Variants in PIK3R3 observed in about 807,000 individuals in gnomAD.
PIK3R3 encodes phosphatidylinositol 3-kinase regulatory subunit gamma.
In PIK3R3, 64 loss-of-function variants were observed where a neutral mutation model predicts 62.9. The observed-to-expected ratio is 1.02, with a 90% CI of 0.83 to 1.25. PIK3R3 has a LOEUF of 1.25. Ranked by LOEUF, PIK3R3 falls within the 50% of genes most tolerant of loss-of-function variation. The pLI, the probability that PIK3R3 is intolerant of heterozygous loss-of-function variation, is 0.00. For missense variants in PIK3R3, 614 were observed against 561.6 expected, an observed-to-expected ratio of 1.09 and a Z score of -0.94; for synonymous variants, 165 against 189.0, an observed-to-expected ratio of 0.87 and a Z score of 1.04.
At chr1:46,057,247 C>CG (rs1411190534) in intron 6 of PIK3R3, 1 of 152,620 alleles carries the variant, frequency 6.6e-6, no homozygotes, top group Admixed American at 6.5e-5. Flanking sequence ...CCTTGCCTTC[C>CG]ACCATGATTG....
chr1:46,121,355 G>A (rs999778041), intron 1 of PIK3R3, among the ~76,000 whole-genome samples: 3 of 151,962 alleles, frequency 2.0e-5, no homozygotes, highest in African/African-American at 7.2e-5. Flanking sequence ...TATCCTCTAT[G>A]GAAAAAAAAG....
intron 1 of PIK3R3, chr1:46,105,153 C>G (rs1415935234): frequency 1.5e-6 from 1 of 667,828 alleles, no homozygotes; most frequent in South Asian, 1.6e-5. Flanking sequence ...AGAGTCACTC[C>G]GAAGGAATGG....
intron 1 of PIK3R3, among the ~76,000 whole-genome samples, chr1:46,093,412 T>C (rs927567188): frequency 1.3e-5 from 2 of 152,230 alleles, no homozygotes; most frequent in Non-Finnish European, 2.9e-5. Context: ...TTTCTCCTTC[T>C]CTGTCAACTT....
At chr1:46,143,561 C>T in the PIK3R3 span, among the ~76,000 whole-genome samples, 40 of 152,200 alleles carry the variant, frequency 2.6e-4, no homozygotes, top group East Asian at 3.7e-3. Context: ...GTGATCCCCC[C>T]ACCTCTGCCC....
chr1:46,081,412 A>AGGAAGTGAGCAGTGG (rs1650579300), intron 1 of PIK3R3, among the ~76,000 whole-genome samples: 1 of 152,208 alleles, frequency 6.6e-6, no homozygotes, highest in Non-Finnish European at 1.5e-5. Flanking sequence ...GCCACACAGC[A>AGGAAGTGAGCAGTGG]GGAAGTGAGC....
chr1:46,084,737 A>C (rs939418806), intron 1 of PIK3R3, among the ~76,000 whole-genome samples: 6 of 152,256 alleles, frequency 3.9e-5, no homozygotes, highest in African/African-American at 1.4e-4. Flanking sequence ...AATGACACAT[A>C]GAAATACCTA....
At chr1:46,072,550 T>C (rs1158848360) in intron 3 of PIK3R3, among the ~76,000 whole-genome samples, 1 of 152,244 alleles carries the variant, frequency 6.6e-6, no homozygotes. Context: ...ATGTAGTATA[T>C]ACATATAGCA....
At chr1:46,148,284 A>G in the PIK3R3 span, among the ~76,000 whole-genome samples, 1 of 152,224 alleles carries the variant, frequency 6.6e-6, no homozygotes, top group African/African-American at 2.4e-5. Flanking sequence ...TAAGACAAAT[A>G]AAGGGGTAGT....
chr1:46,102,280 C>T (rs1652769440), intron 1 of PIK3R3, among the ~76,000 whole-genome samples: 1 of 152,038 alleles, frequency 6.6e-6, no homozygotes, highest in Admixed American at 6.6e-5. Context: ...CCACAGCGCC[C>T]GGCCTGAATT....
At chr1:46,155,359 G>A in the PIK3R3 span, among the ~76,000 whole-genome samples, 5 of 151,308 alleles carry the variant, frequency 3.3e-5, no homozygotes, top group Non-Finnish European at 7.4e-5. Flanking sequence ...CAAAAAACAG[G>A]AAACTCTGCG....
Position 46,042,303 on chromosome 1 carries a change from G to C in PIK3R3, c.*1370C>G, listed in dbSNP as rs1259468941. On this transcript the variant is annotated 3_prime_UTR_variant, in exon 10 of 10. Coordinates refer to ENST00000262741, the MANE Select transcript of PIK3R3 (RefSeq NM_003629.4). The surrounding 1 kb of genome is among the most constrained non-coding windows in gnomAD (Gnocchi z 4.3). ...TCAAGGCCACTGGAGCAGGAGGGCA[G>C]ACTGCACATAGCCTTAATGGCAGGA... 4.4e-6 allele frequency: 1 copy of C among 229,462 alleles called. No individual in the cohort carries two copies. The highest frequency in any genetic ancestry group is 8.6e-6 in the Non-Finnish European group (1 of 115,810). 14.2% of individuals were successfully genotyped at this position (229,462 alleles called of 1,614,324 possible).
intron 5 of PIK3R3, among the ~76,000 whole-genome samples, chr1:46,063,062 T>C (rs1039373689): frequency 6.6e-6 from 1 of 152,204 alleles, no homozygotes; most frequent in Admixed American, 6.5e-5. Flanking sequence ...ACTCAGAATA[T>C]ACAGGTGGAA....
chr1:46,157,347 G>T, the PIK3R3 span, among the ~76,000 whole-genome samples: 2 of 152,044 alleles, frequency 1.3e-5, no homozygotes, highest in Non-Finnish European at 2.9e-5. Flanking sequence ...TGCCCAGGGT[G>T]GTCTCGAACT....
rs1423143892 is a variant in PIK3R3 at position 46,041,859 on chromosome 1, T to C, written c.*1814A>G. 4.7e-6 allele frequency: 1 copy of C among 213,502 alleles called. No individual in the cohort carries two copies. The highest frequency in any genetic ancestry group is 9.5e-6 in the Non-Finnish European group (1 of 105,630). 13.2% of individuals were successfully genotyped at this position (213,502 alleles called of 1,614,324 possible). A position where few individuals can be genotyped will look rare whatever the true frequency, so the allele number is the denominator to read the frequency against. On this transcript the variant is annotated 3_prime_UTR_variant, in exon 10 of 10. Transcript: ENST00000262741. ...AAGAGAAGCACTTCCCTTTCTATCC[T>C]CGTCACTAGTAACTGGAGGTTTTTC... is the stretch of plus-strand genomic sequence containing the variant.
chr1:46,100,594 G>T (rs1652567301), intron 1 of PIK3R3, among the ~76,000 whole-genome samples: 1 of 152,102 alleles, frequency 6.6e-6, no homozygotes, highest in African/African-American at 2.4e-5. Flanking sequence ...TTTCTTGACA[G>T]TTTACTCTCC....
chr1:46,045,855 G>T (rs1231547670), intron 9 of PIK3R3, 63 bp downstream of exon 9: 2 of 1,375,890 alleles, frequency 1.5e-6, no homozygotes, highest in Non-Finnish European at 2.1e-6. Context: ...TTTTATGAGG[G>T]GTTGATTTTA....
At chr1:46,107,050 C>G (rs111816110) in intron 1 of PIK3R3, among the ~76,000 whole-genome samples, 3 of 152,146 alleles carry the variant, frequency 2.0e-5, no homozygotes, top group Non-Finnish European at 2.9e-5. Context: ...CGTGAGCCAC[C>G]GTGCCCGGCT....
At chr1:46,120,620 T>C (rs1373557354) in intron 1 of PIK3R3, among the ~76,000 whole-genome samples, 1 of 152,150 alleles carries the variant, frequency 6.6e-6, no homozygotes, top group Non-Finnish European at 1.5e-5. Context: ...GATTTTAACT[T>C]TGAAAAAGTA....
intron 1 of PIK3R3, among the ~76,000 whole-genome samples, chr1:46,099,011 T>C (rs1421342590): frequency 6.6e-6 from 1 of 152,198 alleles, no homozygotes; most frequent in Non-Finnish European, 1.5e-5. Flanking sequence ...AGAGTGACTC[T>C]TGATGGTTAC....
Sources: allele counts gnomAD v4.1 joint callset (sites outside exome capture counted in the v4.1 genomes callset), GRCh38; gene constraint gnomAD v4.1.1; non-coding constraint Gnocchi (gnomAD v3.1); transcripts MANE v1.5; gene names NCBI Gene and HGNC (gene_info 2026-07-23, HGNC 2026-07-21).